Variants in SELP observed in about 807,000 individuals in gnomAD.
The protein encoded by SELP is P-selectin.
A neutral mutation model predicts 104.1 loss-of-function variants in SELP; 92 were observed. That is an observed-to-expected ratio of 0.88 (90% CI 0.75 to 1.05). The LOEUF (loss-of-function observed/expected upper bound fraction) is 1.05. Ranked by LOEUF, SELP falls within the 50% of genes least tolerant of loss-of-function variation. The probability of loss-of-function intolerance (pLI) is 0.00; values close to 1 mark genes in which losing one functional copy is unlikely to be tolerated. For synonymous variants in SELP, 397 were observed against 364.5 expected, an observed-to-expected ratio of 1.09 and a Z score of -1.01; for missense variants, 1,022 against 1,017.3, an observed-to-expected ratio of 1.00 and a Z score of -0.06.
At position 169,616,364 on chromosome 1, in the gene SELP, A is replaced by G. The variant is rs188512744; in HGVS notation, c.481+664T>C. ...CTAAAAAACACCAACTTTGGAATCA[A>G]CATGAGTGTGAAACTGGCTCCACCA... On this transcript the variant is annotated intron_variant, in intron 3 of 16. Coordinates refer to ENST00000263686, the MANE Select transcript of SELP (RefSeq NM_003005.4). Among the ~76,000 whole-genome samples the G allele has an allele frequency of 1.4e-4, 22 of 152,320 alleles. No homozygotes were observed. The East Asian group carries it at 4.2e-3, about 29-fold the overall frequency.
At chr1:169,620,839 C>A (rs1012733952) in intron 1 of SELP, among the ~76,000 whole-genome samples, 2 of 90,314 alleles carry the variant, frequency 2.2e-5, no homozygotes, top group Non-Finnish European at 4.3e-5. Context: ...ATGTGTCATG[C>A]CACAGTGATG....
intron 14 of SELP, among the ~76,000 whole-genome samples, chr1:169,592,863 A>G (rs570285072): frequency 6.6e-6 from 1 of 152,268 alleles, no homozygotes; most frequent in East Asian, 1.9e-4. Context: ...TTTGATTCAG[A>G]TGCACTGAAC....
In SELP at chr1:169,595,930, C is replaced by A. The variant is rs763454380; in HGVS notation, c.2096G>T (p.Cys699Phe). 1.2e-6 allele frequency: 2 copies of A among 1,613,380 alleles called. No homozygotes were observed. Among genetic ancestry groups the A allele is most frequent in the South Asian group, 2.2e-5 (2 of 91,054 alleles). ...CCTGCTCCTTTTCACCTTACCTCTG[C>A]ATGCTGGAGTTACTGCTGTCCATTG... ...SGQWTAVTPA[C>F]RAVKCSELHV... The change falls in exon 12 of 17, where the codon TGC becomes TTC. Residue 699 changes from cysteine to phenylalanine, a missense_variant. Transcript: ENST00000263686.
rs3917833 is a variant in SELP, at chr1:169,593,048, T to C, written c.2407+557A>G. On this transcript the variant is annotated intron_variant, in intron 14 of 16. Transcript: ENST00000263686. The stretch of plus-strand genomic sequence containing the variant: ...GTCTGGTTTAGGCATCCCTAGTCTA[T>C]GTTCTAATAATACCTAGGTTGTATT... 2.0e-5 allele frequency among the ~76,000 whole-genome samples: 3 copies of C among 152,206 alleles called. No homozygotes were observed. The East Asian group carries it at 5.8e-4, about 29-fold the overall frequency.
rs138382931 is a variant in SELP, at chr1:169,611,539, C to T, written c.1100G>A (p.Arg367His). ...AGACCAGTGTCCAGAGTCAATGCAGCGGAGCATGTCCAAGCCCCTCACTCT... is the reference window on the plus strand; with the variant it reads ...AGACCAGTGTCCAGAGTCAATGCAGTGGAGCATGTCCAAGCCCCTCACTCT... ...GYRVRGLDMLRCIDSGHWSAP... is the reference protein window; with the variant it reads ...GYRVRGLDMLHCIDSGHWSAP... Residue 367 changes from arginine (R) to histidine (H), a missense_variant, in exon 7 of 17, where the codon CGC becomes CAC. Coordinates refer to ENST00000263686, the MANE Select transcript of SELP (RefSeq NM_003005.4). 7.7e-5 allele frequency: 124 copies of T among 1,614,038 alleles called. No individual in the cohort carries two copies. Among genetic ancestry groups the T allele is most frequent in the African/African-American group, 4.4e-4 (33 of 74,988 alleles).
intron 8 of SELP, among the ~76,000 whole-genome samples, chr1:169,608,051 T>C (rs1270054214): frequency 6.6e-6 from 1 of 152,146 alleles, no homozygotes; most frequent in Non-Finnish European, 1.5e-5. Flanking sequence ...ATTGTGTCTT[T>C]TTCTCCCAGA....
At chr1:169,627,253 T>C (rs1440502111) in intron 1 of SELP, among the ~76,000 whole-genome samples, 3 of 152,198 alleles carry the variant, frequency 2.0e-5, no homozygotes, top group African/African-American at 4.8e-5. Context: ...GGCACAGATA[T>C]TGGTAGCCCA....
At chr1:169,629,996 C>T (rs1663557209) in intron 1 of SELP, 76 bp downstream of exon 1, 2 of 1,591,532 alleles carry the variant, frequency 1.3e-6, no homozygotes, top group Non-Finnish European at 8.6e-7. Context: ...CTTTCTGAAC[C>T]TTTACCTGCC....
At chr1:169,615,503 G>T (rs1470007589) in intron 3 of SELP, among the ~76,000 whole-genome samples, 1 of 152,136 alleles carries the variant, frequency 6.6e-6, no homozygotes, top group African/African-American at 2.4e-5. Flanking sequence ...TTGCAGAAAT[G>T]GATTTTGAAG....
In SELP at chr1:169,609,680, C is replaced by T; in HGVS notation, c.1157G>A (p.Cys386Tyr). ...GTGGACAGGACTCTCCAGCGGCTCACACGAAATAGCTAAGTGGAAAAGGTA... is the reference window on the plus strand; with the variant it reads ...GTGGACAGGACTCTCCAGCGGCTCATACGAAATAGCTAAGTGGAAAAGGTA... ...APLPTCEAISCEPLESPVHGS... is the reference protein window; with the variant it reads ...APLPTCEAISYEPLESPVHGS... The change falls in exon 8 of 17, where the codon TGT becomes TAT. Residue 386 changes from cysteine to tyrosine, a missense_variant. Transcript: ENST00000263686. 1 of 1,610,282 alleles carries T rather than the reference C, an allele frequency of 6.2e-7. No homozygotes were observed. Among genetic ancestry groups the T allele is most frequent in the Non-Finnish European group, 8.5e-7 (1 of 1,178,160 alleles).
rs916272160 is a variant in SELP, at chr1:169,591,467, C to T, written c.2408-11G>A. On this transcript the variant is annotated splice_polypyrimidine_tract_variant and intron_variant, in intron 14 of 16. Coordinates refer to ENST00000263686, the MANE Select transcript of SELP (RefSeq NM_003005.4). ...GGCATTTCCCATCATCTAAAATCAGCAAGAAGACAAGAATGAATGATTAAA... is the reference window on the plus strand; with the variant it reads ...GGCATTTCCCATCATCTAAAATCAGTAAGAAGACAAGAATGAATGATTAAA... The T allele has an allele frequency of 6.6e-7, 1 of 1,516,436 alleles. No individual in the cohort carries two copies. The highest frequency in any genetic ancestry group is 8.9e-7 in the Non-Finnish European group (1 of 1,121,310). The allele number at this position is 1,516,436 out of a possible 1,614,324, so 93.9% of individuals were successfully genotyped here. A position where few individuals can be genotyped will look rare whatever the true frequency, so the allele number is the denominator to read the frequency against.
intron 3 of SELP, among the ~76,000 whole-genome samples, chr1:169,616,559 G>A (rs1662821588): frequency 6.6e-6 from 1 of 152,146 alleles, no homozygotes; most frequent in African/African-American, 2.4e-5. Context: ...ATAACACAAT[G>A]CCTAGAGCAT....
chr1:169,619,564 A>G (rs922559537), intron 1 of SELP, among the ~76,000 whole-genome samples: 1 of 152,242 alleles, frequency 6.6e-6, no homozygotes, highest in Non-Finnish European at 1.5e-5. Flanking sequence ...TTATAAAACA[A>G]TCTTTTTAAG....
chr1:169,604,749 A>C (rs1662097611), intron 9 of SELP, among the ~76,000 whole-genome samples: 1 of 152,188 alleles, frequency 6.6e-6, no homozygotes, highest in Non-Finnish European at 1.5e-5. Flanking sequence ...ATAAACTGCA[A>C]GGACTTATGG....
chr1:169,622,141 T>A (rs1260877478), intron 1 of SELP, among the ~76,000 whole-genome samples: 6 of 152,266 alleles, frequency 3.9e-5, no homozygotes, highest in Non-Finnish European at 8.8e-5. Flanking sequence ...TGCCTTTGGA[T>A]ATAAATACAT....
intron 12 of SELP, among the ~76,000 whole-genome samples, chr1:169,595,249 G>C (rs742125): frequency 6.6e-6 from 1 of 152,024 alleles, no homozygotes; most frequent in Admixed American, 6.6e-5. Context: ...TGTGTTTATT[G>C]AAATACTTAA....
At position 169,589,390 on chromosome 1, in the gene SELP, G is replaced by A. The variant is rs557300378; in HGVS notation, c.*73C>T. ...TCAGGAAACAGGGTTGGTCCAGAGC[G>A]GGTCCAACAGGCTGGTCCAGAGCTA... is the stretch of plus-strand genomic sequence containing the variant. On this transcript the variant is annotated 3_prime_UTR_variant, in exon 17 of 17. Coordinates refer to ENST00000263686, the MANE Select transcript of SELP (RefSeq NM_003005.4). The A allele has an allele frequency of 2.6e-5, 4 of 152,298 alleles. No individual in the cohort carries two copies. Among genetic ancestry groups the A allele is most frequent in the East Asian group, 3.9e-4 (2 of 5,176 alleles). The allele number at this position is 152,298 out of a possible 1,614,324, so 9.4% of individuals were successfully genotyped here.
chr1:169,593,576 A>T (rs764892822), intron 14 of SELP, 29 bp downstream of exon 14: 6 of 1,601,038 alleles, frequency 3.7e-6, no homozygotes, highest in Admixed American at 3.4e-5. Flanking sequence ...TGTAACCAAG[A>T]TGCAAAGAGA....
At chr1:169,620,913 A>T in intron 1 of SELP, among the ~76,000 whole-genome samples, 1 of 131,826 alleles carries the variant, frequency 7.6e-6, no homozygotes, top group Admixed American at 7.9e-5. Context: ...TGCCCCAGTG[A>T]TGGATGATGT....
Sources: gnomAD v4.1 joint callset for allele counts (sites outside exome capture counted in the v4.1 genomes callset) on GRCh38, gnomAD v4.1.1 for gene constraint, MANE v1.5 for transcripts, NCBI Gene and HGNC (gene_info 2026-07-23, HGNC 2026-07-21) for gene names.